The following NTM variants were observed in gnomAD, a reference collection of about 807,000 sequenced individuals.
NTM encodes neurotrimin.
In NTM, 13 loss-of-function variants were observed where a neutral mutation model predicts 42.1. The ratio of observed to expected loss-of-function variants is 0.31; its 90% CI spans 0.20 to 0.49. The LOEUF (loss-of-function observed/expected upper bound fraction) is 0.49. NTM is among the 20% of genes least tolerant of loss of function. The pLI is 0.99. For missense variants in NTM, 373 were observed against 452.8 expected (o/e 0.82, Z 1.60); for synonymous variants, 187 against 179.2 (o/e 1.04, Z -0.35).
chr11:132,012,569 T>C (rs963820555), intron 2 of NTM, among the ~76,000 whole-genome samples: 9 of 152,222 alleles, frequency 5.9e-5, no homozygotes, highest in Non-Finnish European at 1.3e-4. Flanking sequence ...GTGGTACTAA[T>C]AAGGGATTCC....
At chr11:131,994,832 C>A (rs1312713498) in intron 2 of NTM, among the ~76,000 whole-genome samples, 1 of 152,176 alleles carries the variant, frequency 6.6e-6, no homozygotes, top group Non-Finnish European at 1.5e-5. Flanking sequence ...AAGGCCCAAA[C>A]TGGACTCTGT....
chr11:131,812,956 G>A (rs2092799535), intron 1 of NTM, among the ~76,000 whole-genome samples: 1 of 152,162 alleles, frequency 6.6e-6, no homozygotes. Flanking sequence ...CTGGCTCAAA[G>A]GTGGAGACTA....
At chr11:132,097,848 A>G (rs1446620062) in intron 2 of NTM, among the ~76,000 whole-genome samples, 1 of 152,214 alleles carries the variant, frequency 6.6e-6, no homozygotes, top group East Asian at 1.9e-4. Flanking sequence ...GCATTGGTTG[A>G]GTTCCTCCCA....
intron 2 of NTM, among the ~76,000 whole-genome samples, chr11:132,071,435 G>C (rs1174723097): frequency 6.6e-6 from 1 of 152,236 alleles, no homozygotes; most frequent in Non-Finnish European, 1.5e-5. Flanking sequence ...CCACCACCGT[G>C]CTTGCCTGTA....
intron 1 of NTM, among the ~76,000 whole-genome samples, chr11:131,565,882 G>A (rs1010656671): frequency 6.6e-6 from 1 of 152,108 alleles, no homozygotes; most frequent in Admixed American, 6.5e-5. Context: ...AGGGAGAATC[G>A]TGGTCCTTGT....
intron 1 of NTM, among the ~76,000 whole-genome samples, chr11:131,903,124 G>T (rs1014481752): frequency 3.6e-5 from 3 of 83,320 alleles, no homozygotes; most frequent in Middle Eastern, 5.7e-3. Context: ...ATCCCTTACT[G>T]AAGAGAAGAA....
rs190649384 is a variant in NTM, at chr11:131,949,185, T to C, written c.167+37537T>C. Among the ~76,000 whole-genome samples the C allele has an allele frequency of 2.4e-4, 36 of 152,376 alleles. 1 individual carries two copies. In the East Asian group the frequency reaches 6.4e-3, roughly 27 times the overall value. On this transcript the variant is annotated intron_variant, in intron 2 of 8. Transcript: ENST00000683400. Reference sequence around the variant, plus strand: ...CTTTCTCAGTTAAGACTGAATTGTGTGTATATTGCATACTGTTACATGCAT... The same window carrying C: ...CTTTCTCAGTTAAGACTGAATTGTGCGTATATTGCATACTGTTACATGCAT...
chr11:132,228,576 A>G (rs781029723), intron 4 of NTM, among the ~76,000 whole-genome samples: 1 of 152,194 alleles, frequency 6.6e-6, no homozygotes, highest in Non-Finnish European at 1.5e-5. Flanking sequence ...ATAGGAGAGA[A>G]TAGCTTCCAT....
At chr11:132,158,520 T>C (rs1018405904) in intron 3 of NTM, among the ~76,000 whole-genome samples, 2 of 152,250 alleles carry the variant, frequency 1.3e-5, no homozygotes, top group African/African-American at 2.4e-5. Context: ...TCAACCCCTC[T>C]AGAACATGTG....
intron 1 of NTM, among the ~76,000 whole-genome samples, chr11:131,860,793 G>A (rs1165104310): frequency 1.3e-5 from 2 of 152,102 alleles, no homozygotes; most frequent in South Asian, 2.1e-4. Flanking sequence ...TGATGGTGGG[G>A]CTACATCATC....
chr11:131,972,433 T>G (rs2063693881), intron 2 of NTM, among the ~76,000 whole-genome samples: 1 of 152,192 alleles, frequency 6.6e-6, no homozygotes, highest in Non-Finnish European at 1.5e-5. Flanking sequence ...CTTTTCCATT[T>G]AGGTAATTAA....
At chr11:131,927,768 C>T (rs1186966882) in intron 2 of NTM, among the ~76,000 whole-genome samples, 1 of 152,184 alleles carries the variant, frequency 6.6e-6, no homozygotes, top group Non-Finnish European at 1.5e-5. Context: ...CATAAAATCA[C>T]AGAGCCCTGT....
intron 1 of NTM, among the ~76,000 whole-genome samples, chr11:131,596,696 C>G (rs2512886): frequency 0.43 from 65,600 of 152,256 alleles, 16,423 homozygotes; most frequent in East Asian, 0.61. Flanking sequence ...GTGTCCCTGT[C>G]TGGAGCCCTG....
intron 2 of NTM, among the ~76,000 whole-genome samples, chr11:132,123,102 C>T (rs940196717): frequency 2.0e-5 from 3 of 152,182 alleles, no homozygotes; most frequent in Admixed American, 6.5e-5. Context: ...TCTCACTCCC[C>T]CTTTGCTTCT....
At chr11:131,578,366 C>T (rs2058110575) in intron 1 of NTM, among the ~76,000 whole-genome samples, 1 of 152,116 alleles carries the variant, frequency 6.6e-6, no homozygotes, top group African/African-American at 2.4e-5. Context: ...AGTAGAGGCT[C>T]TTTGAAAGAG....
chr11:131,742,164 A>G (rs889888457), intron 1 of NTM, among the ~76,000 whole-genome samples: 2 of 152,192 alleles, frequency 1.3e-5, no homozygotes, highest in Non-Finnish European at 2.9e-5. Context: ...CTGTACAACC[A>G]ATCCCCATGA....
intron 4 of NTM, among the ~76,000 whole-genome samples, chr11:132,249,213 A>G (rs1054971833): frequency 6.6e-6 from 1 of 152,230 alleles, no homozygotes; most frequent in African/African-American, 2.4e-5. Context: ...ATGCCATTGC[A>G]GTAAAACACC....
At chr11:131,790,018 G>C (rs1462999422) in intron 1 of NTM, among the ~76,000 whole-genome samples, 1 of 144,464 alleles carries the variant, frequency 6.9e-6, no homozygotes, top group African/African-American at 2.6e-5. Context: ...ACATTTTGTA[G>C]TTAAATGAAA....
chr11:132,112,869 T>C (rs1366901912), intron 2 of NTM, among the ~76,000 whole-genome samples: 1 of 152,186 alleles, frequency 6.6e-6, no homozygotes, highest in Non-Finnish European at 1.5e-5. Flanking sequence ...TGTTTTCTTA[T>C]TTTAAAGATC....
Sources: gnomAD v4.1 joint callset for allele counts (sites outside exome capture counted in the v4.1 genomes callset) on GRCh38, gnomAD v4.1.1 for gene constraint, MANE v1.5 for transcripts, NCBI Gene and HGNC (gene_info 2026-07-23, HGNC 2026-07-21) for gene names.